Variants in PCSK6 observed in about 807,000 individuals in gnomAD.
PCSK6 encodes paired basic amino acid cleaving enzyme 4.
A neutral mutation model predicts 123.3 loss-of-function variants in PCSK6; 85 were observed. The observed-to-expected ratio is 0.69, with a 90% CI of 0.58 to 0.83. PCSK6 has a LOEUF of 0.83. Ranked by LOEUF, PCSK6 falls within the 40% of genes least tolerant of loss-of-function variation. PCSK6 has a pLI of 0.00. For synonymous variants in PCSK6, 508 were observed against 516.0 expected (o/e 0.98, Z 0.21); for missense variants, 1,191 against 1,282.3 (o/e 0.93, Z 1.09).
chr15:101,381,941 G>A (rs2041919562), intron 11 of PCSK6, 151 bp downstream of exon 11: 2 of 606,136 alleles, frequency 3.3e-6, no homozygotes, highest in African/African-American at 1.9e-5. Context: ...CAATCCACAA[G>A]AGAAAACGCA....
At chr15:101,453,905 C>T (rs1016953105) in intron 1 of PCSK6, among the ~76,000 whole-genome samples, 1 of 152,192 alleles carries the variant, frequency 6.6e-6, no homozygotes, top group Non-Finnish European at 1.5e-5. Flanking sequence ...TGTCTGTGAC[C>T]TTGAGCACCA....
intron 6 of PCSK6, among the ~76,000 whole-genome samples, chr15:101,412,713 A>ATAT (rs201205244): frequency 8.9e-6 from 1 of 112,678 alleles, no homozygotes; most frequent in African/African-American, 2.9e-5. Flanking sequence ...ATATATATAT[A>ATAT]AAATTACCCA....
At chr15:101,413,552 A>C (rs2055779827) in intron 6 of PCSK6, among the ~76,000 whole-genome samples, 1 of 152,246 alleles carries the variant, frequency 6.6e-6, no homozygotes, top group Admixed American at 6.5e-5. Flanking sequence ...CAATAATTAC[A>C]TTAAATATTA....
intron 7 of PCSK6, among the ~76,000 whole-genome samples, chr15:101,397,556 C>CCGG (rs2042449676): frequency 6.6e-6 from 1 of 152,172 alleles, no homozygotes; most frequent in African/African-American, 2.4e-5. Context: ...TGGAACTCCC[C>CCGG]TGGTCCCCAC....
intron 6 of PCSK6, among the ~76,000 whole-genome samples, chr15:101,408,017 T>C (rs2042830412): frequency 6.6e-6 from 1 of 152,148 alleles, no homozygotes; most frequent in South Asian, 2.1e-4. Flanking sequence ...GTCTCCCCGC[T>C]AGGGAATGAG....
intron 6 of PCSK6, among the ~76,000 whole-genome samples, chr15:101,399,453 A>G (rs1202303229): frequency 6.6e-6 from 1 of 152,082 alleles, no homozygotes; most frequent in Admixed American, 6.5e-5. Context: ...AGGGGTCTTT[A>G]GAGGTGGAGA....
chr15:101,394,776 G>A (rs2042353908), intron 7 of PCSK6, among the ~76,000 whole-genome samples: 1 of 152,212 alleles, frequency 6.6e-6, no homozygotes, highest in Non-Finnish European at 1.5e-5. Flanking sequence ...ACGGGGGTTT[G>A]TAAACCAAGG....
chr15:101,461,333 T>C (rs1463101337), intron 1 of PCSK6, among the ~76,000 whole-genome samples: 1 of 152,174 alleles, frequency 6.6e-6, no homozygotes. Context: ...ACAGGACTTG[T>C]CAAACTTTCC....
intron 18 of PCSK6, among the ~76,000 whole-genome samples, chr15:101,319,837 G>A (rs1192560823): frequency 6.6e-6 from 1 of 152,202 alleles, no homozygotes; most frequent in Non-Finnish European, 1.5e-5. Context: ...CTCTTCATCT[G>A]GCTGTGTGCC....
chr15:101,447,840 G>A (rs1267880482), intron 1 of PCSK6, among the ~76,000 whole-genome samples: 1 of 152,200 alleles, frequency 6.6e-6, no homozygotes, highest in Non-Finnish European at 1.5e-5. Context: ...TCCAGCCGGT[G>A]CCTGAGCAGC....
chr15:101,349,088 C>G (rs949871528), intron 13 of PCSK6, among the ~76,000 whole-genome samples: 2 of 152,216 alleles, frequency 1.3e-5, no homozygotes, highest in African/African-American at 4.8e-5. Context: ...AGAACCAAAG[C>G]TGGGATTCCA....
At chr15:101,437,878 T>A (rs2056646373) in intron 2 of PCSK6, among the ~76,000 whole-genome samples, 1 of 152,056 alleles carries the variant, frequency 6.6e-6, no homozygotes, top group Non-Finnish European at 1.5e-5. Context: ...TATGTTGAAA[T>A]CTTAACCCGG....
intron 13 of PCSK6, among the ~76,000 whole-genome samples, chr15:101,348,153 G>A (rs181338904): frequency 1.5e-3 from 221 of 142,924 alleles, no homozygotes; most frequent in Non-Finnish European, 2.6e-3. Flanking sequence ...CCGCCCCCCC[G>A]GGGTCCCGCT....
At chr15:101,362,697 C>G (rs2041268449) in intron 13 of PCSK6, among the ~76,000 whole-genome samples, 1 of 152,172 alleles carries the variant, frequency 6.6e-6, no homozygotes, top group African/African-American at 2.4e-5. Flanking sequence ...CACCGCAACC[C>G]AGTAACTTGC....
intron 13 of PCSK6, among the ~76,000 whole-genome samples, chr15:101,360,718 C>T (rs535383015): frequency 2.0e-5 from 3 of 151,354 alleles, no homozygotes; most frequent in South Asian, 4.2e-4. Flanking sequence ...CACTCCTGCC[C>T]GGGGGCCTCA....
At chr15:101,432,124 G>T (rs766222199) in intron 2 of PCSK6, 24 bp from the exon 3 acceptor site, 2 of 1,565,192 alleles carry the variant, frequency 1.3e-6, no homozygotes, top group Non-Finnish European at 1.8e-6. Context: ...TGCAATTACT[G>T]TTTATATTAG....
At chr15:101,444,980 T>G (rs1472703682) in intron 1 of PCSK6, among the ~76,000 whole-genome samples, 1 of 152,262 alleles carries the variant, frequency 6.6e-6, no homozygotes, top group Non-Finnish European at 1.5e-5. Context: ...GCAGCCTTGC[T>G]GTCTCCTGTT....
chr15:101,365,230 G>C (rs1390360389), intron 13 of PCSK6, among the ~76,000 whole-genome samples: 2 of 152,084 alleles, frequency 1.3e-5, no homozygotes, highest in Non-Finnish European at 1.5e-5. Context: ...TTTGGGTTAG[G>C]CAATGGTTTC....
At chr15:101,483,644 T>C (rs1474621984) in intron 1 of PCSK6, among the ~76,000 whole-genome samples, 1 of 152,146 alleles carries the variant, frequency 6.6e-6, no homozygotes, top group Admixed American at 6.5e-5. Context: ...GCTGCCATCC[T>C]CTCCACACAA....
Sources: allele counts gnomAD v4.1 joint callset (sites outside exome capture counted in the v4.1 genomes callset), GRCh38; gene constraint gnomAD v4.1.1; transcripts MANE v1.5; gene names NCBI Gene and HGNC (gene_info 2026-07-23, HGNC 2026-07-21).